The following FRMD3 variants were observed in gnomAD, a reference collection of about 807,000 sequenced individuals.
FRMD3 encodes FERM domain containing 3.
Under a neutral mutation model 70.2 loss-of-function variants are expected in FRMD3, and 33 were observed. The ratio of observed to expected loss-of-function variants is 0.47; its 90% CI spans 0.36 to 0.63. The LOEUF is 0.63. Ranked by LOEUF, FRMD3 falls within the 20% of genes least tolerant of loss-of-function variation. The pLI is 0.00. For missense variants in FRMD3, 632 were observed against 711.4 expected (o/e 0.89, Z 1.27); for synonymous variants, 279 against 255.9 (o/e 1.09, Z -0.86).
chr9:83,299,261 A>T (rs1352953595), intron 10 of FRMD3, 75 bp from the exon 11 acceptor site: 1 of 878,868 alleles, frequency 1.1e-6, no homozygotes, highest in Non-Finnish European at 1.8e-6. Context: ...AGGTGTGGTG[A>T]TGGGGTATTT....
chr9:83,370,196 C>A (rs1332607734), intron 3 of FRMD3, among the ~76,000 whole-genome samples: 1 of 152,160 alleles, frequency 6.6e-6, no homozygotes, highest in Non-Finnish European at 1.5e-5. Context: ...GGCTCTGTGA[C>A]CAGACTCTTT....
chr9:83,509,729 G>T (rs546655236), intron 1 of FRMD3, among the ~76,000 whole-genome samples: 1 of 152,178 alleles, frequency 6.6e-6, no homozygotes, highest in Admixed American at 6.5e-5. Context: ...TCTTACTACT[G>T]CATGTGAATC....
chr9:83,502,037 T>C (rs1007493737), intron 1 of FRMD3, among the ~76,000 whole-genome samples: 13 of 152,362 alleles, frequency 8.5e-5, no homozygotes, highest in Admixed American at 1.3e-4. Context: ...TATCTAGTTA[T>C]GTGTCTTGTT....
chr9:83,377,870 A>T (rs1305943636), intron 2 of FRMD3, among the ~76,000 whole-genome samples: 2 of 152,158 alleles, frequency 1.3e-5, no homozygotes, highest in Non-Finnish European at 2.9e-5. Context: ...TCTACTTTTT[A>T]AAAAAAGACG....
chr9:83,391,716 C>T (rs1351314381), intron 1 of FRMD3, among the ~76,000 whole-genome samples: 1 of 152,166 alleles, frequency 6.6e-6, no homozygotes, highest in Non-Finnish European at 1.5e-5. Context: ...AATGCTGCTG[C>T]AGACAACGCA....
At chr9:83,250,031 G>T (rs1196300052) in intron 13 of FRMD3, among the ~76,000 whole-genome samples, 8 of 152,230 alleles carry the variant, frequency 5.3e-5, no homozygotes, top group African/African-American at 1.9e-4. Context: ...GTGGTCTGCA[G>T]CACTCATGGA....
intron 13 of FRMD3, among the ~76,000 whole-genome samples, chr9:83,270,855 T>C (rs1041369399): frequency 7.2e-5 from 11 of 152,080 alleles, no homozygotes; most frequent in African/African-American, 2.7e-4. Flanking sequence ...TTTTTTTTTT[T>C]TTGGTCTCTT....
intron 13 of FRMD3, among the ~76,000 whole-genome samples, chr9:83,253,611 A>G (rs1415095528): frequency 1.3e-5 from 2 of 152,160 alleles, no homozygotes; most frequent in African/African-American, 4.8e-5. Context: ...AAAGTCAGGA[A>G]ACAACAGGTG....
chr9:83,291,259 G>C (rs1318842789), intron 12 of FRMD3, among the ~76,000 whole-genome samples: 2 of 152,140 alleles, frequency 1.3e-5, no homozygotes, highest in Non-Finnish European at 2.9e-5. Flanking sequence ...TCACTAACTG[G>C]CCATGGCTCT....
At chr9:83,360,343 C>T (rs1308092892) in intron 3 of FRMD3, among the ~76,000 whole-genome samples, 2 of 152,114 alleles carry the variant, frequency 1.3e-5, no homozygotes, top group Non-Finnish European at 2.9e-5. Context: ...TATAAAGTTG[C>T]ATCCAAAAAT....
chr9:83,362,225 T>G (rs1223121332), intron 3 of FRMD3, among the ~76,000 whole-genome samples: 4 of 151,032 alleles, frequency 2.6e-5, no homozygotes, highest in Admixed American at 2.6e-4. Context: ...CAATCTCAAT[T>G]TCCTATTGAC....
chr9:83,532,422 CA>C (rs1202879515), intron 1 of FRMD3, among the ~76,000 whole-genome samples: 2 of 152,212 alleles, frequency 1.3e-5, no homozygotes, highest in East Asian at 3.8e-4. Context: ...TAACAACACA[CA>C]CTACAAAGGA....
chr9:83,307,942 T>C (rs530205074), intron 10 of FRMD3, among the ~76,000 whole-genome samples: 158 of 152,300 alleles, frequency 1.0e-3, no homozygotes, highest in Non-Finnish European at 7.5e-4. Context: ...CTTCTAGACA[T>C]GTAGATTTTC....
At chr9:83,573,666 G>A in the FRMD3 span, among the ~76,000 whole-genome samples, 1 of 151,728 alleles carries the variant, frequency 6.6e-6, no homozygotes, top group Admixed American at 6.6e-5. Context: ...CTCCTCCTCA[G>A]TCCATATGGC....
chr9:83,261,164 C>T (rs1281494395), intron 13 of FRMD3, among the ~76,000 whole-genome samples: 1 of 142,714 alleles, frequency 7.0e-6, no homozygotes, highest in Non-Finnish European at 1.5e-5. Context: ...ACTCTCCCAT[C>T]GCTGCTCCCC....
intron 1 of FRMD3, among the ~76,000 whole-genome samples, chr9:83,398,993 A>C (rs1415653069): frequency 1.3e-5 from 2 of 152,152 alleles, no homozygotes; most frequent in Admixed American, 6.6e-5. Context: ...GAGAATGAAA[A>C]CCCAACTGCT....
chr9:83,309,502 A>C (rs1282799976), intron 10 of FRMD3, 34 bp downstream of exon 10: 1 of 1,308,180 alleles, frequency 7.6e-7, no homozygotes, highest in Non-Finnish European at 1.1e-6. Context: ...GGGTGCTTTT[A>C]AAAGCTATAA....
chr9:83,521,732 T>C (rs1829575808), intron 1 of FRMD3, among the ~76,000 whole-genome samples: 1 of 152,236 alleles, frequency 6.6e-6, no homozygotes. Flanking sequence ...GAGCAGGTAA[T>C]GCCAACTTCC....
At chr9:83,329,246 C>T (rs1040263563) in intron 6 of FRMD3, among the ~76,000 whole-genome samples, 1 of 151,944 alleles carries the variant, frequency 6.6e-6, no homozygotes, top group Non-Finnish European at 1.5e-5. Flanking sequence ...CAAATAGCAA[C>T]AAAAAATGCA....
Sources: gnomAD v4.1 joint callset for allele counts (sites outside exome capture counted in the v4.1 genomes callset) on GRCh38, gnomAD v4.1.1 for gene constraint, MANE v1.5 for transcripts, NCBI Gene and HGNC (gene_info 2026-07-23, HGNC 2026-07-21) for gene names.